Variants in TRAPPC9 observed in about 807,000 individuals in gnomAD.
TRAPPC9 encodes IKK2 binding protein.
Under a neutral mutation model 124.0 loss-of-function variants are expected in TRAPPC9, and 83 were observed. The ratio of observed to expected loss-of-function variants is 0.67; its 90% confidence interval spans 0.56 to 0.80. TRAPPC9 has a LOEUF of 0.80. Among genes scored for constraint, TRAPPC9 ranks in the 30% least tolerant of loss-of-function variants. The pLI is 0.00. For missense variants in TRAPPC9, 1,302 were observed against 1,508.3 expected (o/e 0.86, Z 2.27); for synonymous variants, 638 against 617.5 (o/e 1.03, Z -0.49).
At chr8:140,001,164 T>C (rs1838369981) in intron 18 of TRAPPC9, among the ~76,000 whole-genome samples, 1 of 152,090 alleles carries the variant, frequency 6.6e-6, no homozygotes, top group Admixed American at 6.5e-5. Context: ...TTCTCACTCA[T>C]AGGTGGGAGT....
chr8:140,401,579 T>A (rs1399055037), intron 6 of TRAPPC9, among the ~76,000 whole-genome samples: 1 of 152,234 alleles, frequency 6.6e-6, no homozygotes, highest in African/African-American at 2.4e-5. Context: ...TGGTTAAATT[T>A]ACATATTTTA....
chr8:140,364,186 G>C (rs932291464), intron 8 of TRAPPC9, among the ~76,000 whole-genome samples: 1 of 150,810 alleles, frequency 6.6e-6, no homozygotes, highest in Non-Finnish European at 1.5e-5. Flanking sequence ...AACTGGCCCC[G>C]GGACAGGAAA....
rs529231882 is a variant in TRAPPC9, at chr8:139,921,887, C to T, written c.2811-11587G>A. ...CCGCGTCTGGGAGTGCACACCTGCC[C>T]CCCACTGCCACATCTGGGAGCGTAC... On this transcript the variant is annotated intron_variant, in intron 19 of 22. Transcript: ENST00000438773. 2.0e-5 allele frequency among the ~76,000 whole-genome samples: 3 copies of T among 151,366 alleles called. No homozygotes were observed. In the South Asian group the frequency reaches 6.3e-4, roughly 32 times the overall value.
chr8:139,828,877 G>C (rs550031880), intron 21 of TRAPPC9, among the ~76,000 whole-genome samples: 1 of 152,198 alleles, frequency 6.6e-6, no homozygotes, highest in Admixed American at 6.5e-5. Context: ...CATGCAATCC[G>C]AGGGAGGGCT....
intron 15 of TRAPPC9, among the ~76,000 whole-genome samples, chr8:140,253,839 CACTG>C (rs1030227658): frequency 6.6e-6 from 1 of 152,180 alleles, no homozygotes; most frequent in African/African-American, 2.4e-5. Context: ...GCCTTTTTGA[CACTG>C]ACTAACTCGA....
intron 4 of TRAPPC9, among the ~76,000 whole-genome samples, chr8:140,427,540 T>A (rs1163845195): frequency 6.6e-6 from 1 of 152,222 alleles, no homozygotes; most frequent in South Asian, 2.1e-4. Flanking sequence ...CTTGGTGGTC[T>A]GCTAAACTAC....
chr8:140,284,491 C>T (rs1046600138), intron 13 of TRAPPC9, among the ~76,000 whole-genome samples: 6 of 152,128 alleles, frequency 3.9e-5, no homozygotes, highest in African/African-American at 1.4e-4. Context: ...GTAGCTGCTG[C>T]TGATATGGCA....
At chr8:140,361,253 C>T (rs1281342781) in intron 8 of TRAPPC9, among the ~76,000 whole-genome samples, 2 of 152,236 alleles carry the variant, frequency 1.3e-5, no homozygotes, top group African/African-American at 4.8e-5. Context: ...CTGTGCAGGG[C>T]AGGTTCTCGT....
chr8:140,370,824 C>G (rs889481784), intron 8 of TRAPPC9, 140 bp downstream of exon 8: 1 of 905,808 alleles, frequency 1.1e-6, no homozygotes, highest in African/African-American at 1.6e-5. Flanking sequence ...CAGCAGGCAC[C>G]CAACTCCAGG....
intron 17 of TRAPPC9, among the ~76,000 whole-genome samples, chr8:140,102,566 A>G (rs541810801): frequency 6.0e-4 from 92 of 152,344 alleles, no homozygotes; most frequent in African/African-American, 2.1e-3. Flanking sequence ...TCTCCCACAC[A>G]TAACTTCCTC....
chr8:139,988,105 CTT>C (rs773534032), intron 19 of TRAPPC9, among the ~76,000 whole-genome samples: 5,249 of 114,332 alleles, frequency 0.046, 89 homozygotes, highest in African/African-American at 0.068. Flanking sequence ...GATACCACCT[CTT>C]TTTTTTTTTT....
At chr8:140,145,615 A>T (rs1056033152) in intron 17 of TRAPPC9, among the ~76,000 whole-genome samples, 1 of 152,194 alleles carries the variant, frequency 6.6e-6, no homozygotes, top group African/African-American at 2.4e-5. Context: ...TGCACCTCTG[A>T]GATAAACTCT....
At chr8:140,018,340 T>TTTTTTTTTTTTTTTTTTTTTTTTG (rs1292894770) in intron 18 of TRAPPC9, among the ~76,000 whole-genome samples, 1 of 114,934 alleles carries the variant, frequency 8.7e-6, no homozygotes, top group African/African-American at 2.6e-5. Context: ...TTTTTTTTTT[T>TTTTTTTTTTTTTTTTTTTTTTTTG]TGAGACGGAG....
chr8:140,191,119 A>G (rs1182546743), intron 17 of TRAPPC9, among the ~76,000 whole-genome samples: 1 of 152,242 alleles, frequency 6.6e-6, no homozygotes, highest in Non-Finnish European at 1.5e-5. Flanking sequence ...GCATTCGCTC[A>G]GGCTTTGATC....
intron 17 of TRAPPC9, among the ~76,000 whole-genome samples, chr8:140,072,561 GGAGGAGAAAGGA>G: frequency 2.8e-5 from 1 of 36,066 alleles, no homozygotes; most frequent in South Asian, 9.7e-4. Context: ...AGGAGGAGGA[GGAGGAGAAAGGA>G]AGGAGGAGGA....
intron 20 of TRAPPC9, among the ~76,000 whole-genome samples, chr8:139,902,120 G>T (rs1194499839): frequency 6.6e-6 from 1 of 152,194 alleles, no homozygotes; most frequent in Non-Finnish European, 1.5e-5. Context: ...CGATCCGTGT[G>T]CACGTTCACA....
At chr8:140,232,651 C>T (rs1050582022) in intron 16 of TRAPPC9, among the ~76,000 whole-genome samples, 2 of 152,180 alleles carry the variant, frequency 1.3e-5, no homozygotes, top group African/African-American at 4.8e-5. Context: ...CTCAACAGCA[C>T]GGAGGTTCCA....
chr8:139,731,836 C>T (rs1817843177), intron 22 of TRAPPC9, 143 bp downstream of exon 22: 2 of 783,846 alleles, frequency 2.6e-6, no homozygotes, highest in South Asian at 1.5e-5. Flanking sequence ...CAGACTCAGA[C>T]TCAGTGTGCA....
chr8:140,445,739 G>C (rs554692328), intron 2 of TRAPPC9, among the ~76,000 whole-genome samples: 347 of 152,346 alleles, frequency 2.3e-3, no homozygotes, highest in Middle Eastern at 6.8e-3. Flanking sequence ...AGAAAGCCCA[G>C]CCTGTCTCAA....
Sources: gnomAD v4.1 joint callset for allele counts (sites outside exome capture counted in the v4.1 genomes callset) on GRCh38, gnomAD v4.1.1 for gene constraint, MANE v1.5 for transcripts, NCBI Gene and HGNC (gene_info 2026-07-23, HGNC 2026-07-21) for gene names.